The following THNSL1 variants were observed in gnomAD, a reference collection of about 807,000 sequenced individuals.
THNSL1 encodes threonine synthase like 1, also known as threonine synthase-like 1.
Under a neutral mutation model 50.4 loss-of-function variants are expected in THNSL1, and 48 were observed. The ratio of observed to expected loss-of-function variants is 0.95; its 90% confidence interval spans 0.76 to 1.21. THNSL1 has a LOEUF of 1.21. Ranked by LOEUF, THNSL1 falls within the 50% of genes most tolerant of loss-of-function variation. THNSL1 has a pLI of 0.00. For missense variants in THNSL1, 896 were observed against 871.7 expected, an observed-to-expected ratio of 1.03 and a Z score of -0.35; for synonymous variants, 309 against 306.1, an observed-to-expected ratio of 1.01 and a Z score of -0.10.
At chr10:24,997,752 A>C in the THNSL1 span, among the ~76,000 whole-genome samples, 2 of 151,476 alleles carry the variant, frequency 1.3e-5, no homozygotes, top group African/African-American at 4.9e-5. Context: ...CTTTTGCCTT[A>C]CAATGTTTAC....
the THNSL1 span, among the ~76,000 whole-genome samples, chr10:24,964,961 G>T: frequency 6.6e-6 from 1 of 152,012 alleles, no homozygotes; most frequent in African/African-American, 2.4e-5. Flanking sequence ...AACTCAGGAG[G>T]CTTTGGTGGG....
the THNSL1 span, among the ~76,000 whole-genome samples, chr10:24,958,264 T>G: frequency 6.6e-6 from 1 of 152,244 alleles, no homozygotes; most frequent in South Asian, 2.1e-4. Context: ...TGACTCAGAT[T>G]GTTAGTCACA....
chr10:24,979,250 G>C, the THNSL1 span, among the ~76,000 whole-genome samples: 9 of 152,314 alleles, frequency 5.9e-5, no homozygotes, highest in Admixed American at 2.0e-4. Flanking sequence ...TGTGGACTGT[G>C]TTAATAAGCA....
the THNSL1 span, among the ~76,000 whole-genome samples, chr10:24,998,775 G>T: frequency 6.6e-6 from 1 of 151,748 alleles, no homozygotes; most frequent in Non-Finnish European, 1.5e-5. Flanking sequence ...AATTTTTGAG[G>T]CCCAGTAAAA....
intron 1 of THNSL1, 121 bp from the exon 2 acceptor site, chr10:25,021,621 G>C (rs1004367552): frequency 1.3e-5 from 2 of 151,980 alleles, no homozygotes; most frequent in Non-Finnish European, 1.5e-5. Context: ...ATATGAAAAG[G>C]GTCAATTTTT....
At chr10:24,988,297 T>C in the THNSL1 span, among the ~76,000 whole-genome samples, 2 of 145,856 alleles carry the variant, frequency 1.4e-5, no homozygotes, top group African/African-American at 2.5e-5. Flanking sequence ...TTTATATATG[T>C]ATATATATTT....
chr10:24,999,598 C>T, the THNSL1 span: 1 of 1,421,382 alleles, frequency 7.0e-7, no homozygotes, highest in East Asian at 2.3e-5. Context: ...TAAAAATTAC[C>T]TAAAGTTTAC....
At chr10:25,001,711 T>C in the THNSL1 span, among the ~76,000 whole-genome samples, 62 of 152,302 alleles carry the variant, frequency 4.1e-4, no homozygotes, top group Admixed American at 1.4e-3. Flanking sequence ...AGAAGTTAGA[T>C]TTGGATCTCT....
chr10:25,017,373 G>C lies in THNSL1; in HGVS notation c.-216+681G>C, dbSNP rs1850623886. Among the ~76,000 whole-genome samples the C allele has an allele frequency of 2.0e-5, 3 of 152,132 alleles. No individual in the cohort carries two copies. The South Asian group carries it at 6.2e-4, about 32-fold the overall frequency. ...CATTTTGGTAATAGGATTTGGGGAGGAAGATGGATGCCTCTGAACCACCGG... is the reference window on the plus strand; with the variant it reads ...CATTTTGGTAATAGGATTTGGGGAGCAAGATGGATGCCTCTGAACCACCGG... On this transcript the variant is annotated intron_variant, in intron 1 of 2. Transcript: ENST00000376356.
At chr10:25,003,447 T>C in the THNSL1 span, among the ~76,000 whole-genome samples, 3 of 152,228 alleles carry the variant, frequency 2.0e-5, no homozygotes, top group Non-Finnish European at 2.9e-5. Context: ...CCTCAAGTGA[T>C]CCACCTGCCT....
chr10:25,016,378 T>A (rs1454568785), upstream of THNSL1, among the ~76,000 whole-genome samples: 4 of 152,114 alleles, frequency 2.6e-5, no homozygotes, highest in South Asian at 2.1e-4. Flanking sequence ...AAAAGAAAAA[T>A]CCTAGTAGAG....
the THNSL1 span, chr10:24,952,483 G>T: frequency 6.5e-7 from 1 of 1,549,960 alleles, no homozygotes; most frequent in East Asian, 2.4e-5. The surrounding 1 kb of genome is among the most constrained non-coding windows in gnomAD (Gnocchi z 5.1). Context: ...GTGCCAGGGA[G>T]GGAGGGGAGC....
the THNSL1 span, among the ~76,000 whole-genome samples, chr10:24,957,823 T>G: frequency 6.6e-6 from 1 of 152,220 alleles, no homozygotes; most frequent in African/African-American, 2.4e-5. Context: ...GGGTCTAGTT[T>G]CATTCTTCCA....
chr10:25,013,433 C>G (rs1850496911), upstream of THNSL1, among the ~76,000 whole-genome samples: 1 of 152,160 alleles, frequency 6.6e-6, no homozygotes, highest in African/African-American at 2.4e-5. Flanking sequence ...CAACCTTAGT[C>G]AAAATCCATA....
the THNSL1 span, chr10:24,999,652 T>G: frequency 9.5e-7 from 1 of 1,055,354 alleles, no homozygotes; most frequent in Non-Finnish European, 1.4e-6. Context: ...AAGTCTATAT[T>G]CGTATGGAAA....
the THNSL1 span, among the ~76,000 whole-genome samples, chr10:25,005,124 G>T: frequency 6.6e-6 from 1 of 152,100 alleles, no homozygotes; most frequent in Non-Finnish European, 1.5e-5. Flanking sequence ...CTCTGTGTCT[G>T]TTCTTGTACC....
the THNSL1 span, among the ~76,000 whole-genome samples, chr10:24,956,565 G>A: frequency 3.0e-4 from 46 of 150,832 alleles, no homozygotes; most frequent in African/African-American, 1.1e-3. Flanking sequence ...ATGGGGTACA[G>A]TGTGATATTC....
the THNSL1 span, among the ~76,000 whole-genome samples, chr10:25,003,173 A>ATTTATTT: frequency 4.1e-5 from 6 of 145,530 alleles, no homozygotes; most frequent in Admixed American, 1.4e-4. Flanking sequence ...TTAATTAATT[A>ATTTATTT]ATTAATTAAT....
At chr10:24,969,235 T>C in the THNSL1 span, among the ~76,000 whole-genome samples, 1 of 152,198 alleles carries the variant, frequency 6.6e-6, no homozygotes, top group South Asian at 2.1e-4. Context: ...ATGTTTTCAG[T>C]CCTTAAGTAA....
Sources: gnomAD v4.1 joint callset for allele counts (sites outside exome capture counted in the v4.1 genomes callset) on GRCh38, gnomAD v4.1.1 for gene constraint, Gnocchi (gnomAD v3.1) non-coding constraint, MANE v1.5 for transcripts, NCBI Gene and HGNC (gene_info 2026-07-23, HGNC 2026-07-21) for gene names.